Variants in HOXA13 observed in about 807,000 individuals in gnomAD.
HOXA13 encodes homeobox protein Hox-A13.
Under a neutral mutation model 25.7 loss-of-function variants are expected in HOXA13, and 5 were observed. The ratio of observed to expected loss-of-function variants is 0.19; its 90% CI spans 0.10 to 0.41. HOXA13 has a LOEUF of 0.41. Ranked by LOEUF, HOXA13 falls within the 10% of genes least tolerant of loss-of-function variation. The pLI is 1.00. For synonymous variants in HOXA13, 284 were observed against 241.1 expected, an observed-to-expected ratio of 1.18 and a Z score of -1.65; for missense variants, 557 against 533.5, an observed-to-expected ratio of 1.04 and a Z score of -0.43.
At position 27,199,380 on chromosome 7, in the gene HOXA13, T is replaced by C; in HGVS notation, c.698A>G (p.Gln233Arg). ...GTGGTAAGGCCCGGCTGCGTAGCCC[T>C]GGTGGTAGAAGGCGAACTCCTTAGC... ...SRAKEFAFYH[Q>R]GYAAGPYHHH... Residue 233 changes from glutamine (Q) to arginine (R), a missense_variant, in exon 1 of 2, where the codon CAG (glutamine) becomes CGG (arginine). Transcript: ENST00000649031. 1 of 1,614,028 alleles carries C rather than the reference T, an allele frequency of 6.2e-7. No individual in the cohort carries two copies. Among genetic ancestry groups the C allele is most frequent in the South Asian group, 1.1e-5 (1 of 91,086 alleles).
chr7:27,199,996 C>A lies in HOXA13; in HGVS notation c.82G>T (p.Ala28Ser). The A allele has an allele frequency of 2.0e-6, 3 of 1,481,322 alleles. No individual in the cohort carries two copies. The highest frequency in any genetic ancestry group is 1.2e-5 in the South Asian group (1 of 81,776). 91.8% of individuals were successfully genotyped at this position (1,481,322 alleles called of 1,614,324 possible). A position where few individuals can be genotyped will look rare whatever the true frequency, so the allele number is the denominator to read the frequency against. ...TCCATGTTCTTGTTGAGCTCGTCGG[C>A]CACCAGGCCGCCGCCGTTGTCGTAG... ...FLYDNGGGLV[A>S]DELNKNMEGA... The change falls in exon 1 of 2, where the codon GCC becomes TCC. Residue 28 changes from alanine (A) to serine (S), a missense_variant. Transcript: ENST00000649031.
rs983768824 is a variant in HOXA13 at position 27,196,762 on chromosome 7, G to T, written c.*1436C>A. The T allele has an allele frequency of 2.1e-4, 34 of 163,004 alleles. No individual in the cohort carries two copies. Among genetic ancestry groups the T allele is most frequent in the African/African-American group, 7.9e-4 (33 of 41,846 alleles). The allele number at this position is 163,004 out of a possible 1,614,324, so 10.1% of individuals were successfully genotyped here. ...TCTTAAAAATTTGGTAGCAAAAGAA[G>T]TACTGAATAATAATAAAGAATGGTC... On this transcript the variant is annotated 3_prime_UTR_variant, in exon 2 of 2. Coordinates refer to ENST00000649031, the MANE Select transcript of HOXA13 (RefSeq NM_000522.5).
At position 27,196,164 on chromosome 7, in the gene HOXA13, A is replaced by T. The variant is rs988572429; in HGVS notation, c.*2034T>A. 2.0e-5 allele frequency: 3 copies of T among 152,242 alleles called. No individual in the cohort carries two copies. The highest frequency in any genetic ancestry group is 7.2e-5 in the African/African-American group (3 of 41,464). The allele number at this position is 152,242 out of a possible 1,614,324, so 9.4% of individuals were successfully genotyped here. A position where few individuals can be genotyped will look rare whatever the true frequency, so the allele number is the denominator to read the frequency against. ...ATCTGTACAGATTCTACAAATATATATACAAGCACACACAAGCACTAATAT... is the reference window on the plus strand; with the variant it reads ...ATCTGTACAGATTCTACAAATATATTTACAAGCACACACAAGCACTAATAT... On this transcript the variant is annotated 3_prime_UTR_variant, in exon 2 of 2. Coordinates refer to ENST00000649031, the MANE Select transcript of HOXA13 (RefSeq NM_000522.5).
chr7:27,199,268 A>G lies in HOXA13; in HGVS notation c.810T>C (p.Gly270=), dbSNP rs1159434464. 7 of 1,613,984 alleles carry G rather than the reference A, an allele frequency of 4.3e-6. No individual in the cohort carries two copies. The highest frequency in any genetic ancestry group is 1.6e-4 in the Middle Eastern group (1 of 6,062). The change falls in exon 1 of 2, where the codon GGT becomes GGC. Residue 270 remains glycine, a synonymous_variant. Coordinates refer to ENST00000649031, the MANE Select transcript of HOXA13 (RefSeq NM_000522.5). Reference sequence around the variant, plus strand: ...AGGGCTGGTAGCTTTCCATGGGAAGACCCAAGGGTTCGTGGCGCGACTCGC... The same window carrying G: ...AGGGCTGGTAGCTTTCCATGGGAAGGCCCAAGGGTTCGTGGCGCGACTCGC... ...GPGESRHEPL[G]LPMESYQPWA...
At position 27,194,572 on chromosome 7, in the gene HOXA13, G is replaced by T. The variant is rs1021931081; in HGVS notation, c.*3626C>A. ...AGGTTTTAGACTGATTGCTATTTGG[G>T]CATTAAAGGAGCCATAATAAATAAT... On this transcript the variant is annotated 3_prime_UTR_variant, in exon 2 of 2. Transcript: ENST00000649031. 1 of 152,018 alleles carries T rather than the reference G, an allele frequency of 6.6e-6. No homozygotes were observed. The highest frequency in any genetic ancestry group is 1.5e-5 in the Non-Finnish European group (1 of 68,016). The allele number at this position is 152,018 out of a possible 1,614,324, so 9.4% of individuals were successfully genotyped here.
At chr7:27,198,814 T>G (rs1307063485) in intron 1 of HOXA13, 1 of 483,944 alleles carries the variant, frequency 2.1e-6, no homozygotes, top group Non-Finnish European at 3.7e-6. Context: ...CTGAAGCCAT[T>G]TTTGAGAGAA....
In HOXA13 at chr7:27,199,705, C is replaced by T. The variant is rs1784067148; in HGVS notation, c.373G>A (p.Ala125Thr). The T allele has an allele frequency of 4.9e-6, 5 of 1,025,982 alleles. No homozygotes were observed. The highest frequency in any genetic ancestry group is 5.8e-5 in the Admixed American group (1 of 17,352). 63.6% of individuals were successfully genotyped at this position (1,025,982 alleles called of 1,614,324 possible). The change falls in exon 1 of 2, where the codon GCT (alanine) becomes ACT (threonine). Residue 125 changes from alanine to threonine, a missense_variant. Ala to Thr is a moderately conservative substitution (Grantham distance 58). Transcript: ENST00000649031. ...SAAAAAAAAA[A>T]AAAAAAAASS... Reference sequence around the variant, plus strand: ...GCGGCGGCGGCGGCGGCGGCTGCAGCGGCAGCCGCGGCAGCAGCGGCGGCA... The same window carrying T: ...GCGGCGGCGGCGGCGGCGGCTGCAGTGGCAGCCGCGGCAGCAGCGGCGGCA...
chr7:27,198,599 G>C, intron 1 of HOXA13, 157 bp from the exon 2 acceptor site: 1 of 834,864 alleles, frequency 1.2e-6, no homozygotes, highest in Non-Finnish European at 1.9e-6. Flanking sequence ...GGGTCAGTGG[G>C]GAAGGTAGTT....
At chr7:27,199,077 CCGGGATCGCCCGGGTG>C in intron 1 of HOXA13, 63 bp downstream of exon 1, 2 of 1,430,028 alleles carry the variant, frequency 1.4e-6, no homozygotes, top group Non-Finnish European at 1.9e-6. Context: ...AGAAACGCAC[CCGGGATCGCCCGGGTG>C]CGAGCGGAGA....
At position 27,195,389 on chromosome 7, in the gene HOXA13, C is replaced by G. The variant is rs559981762; in HGVS notation, c.*2809G>C. ...TAAAATTAGCCTGCATCTCACAATT[C>G]TGCATCCCACGGCTACTGATTCCAC... On this transcript the variant is annotated 3_prime_UTR_variant, in exon 2 of 2. Coordinates refer to ENST00000649031, the MANE Select transcript of HOXA13 (RefSeq NM_000522.5). The G allele has an allele frequency of 5.9e-5, 9 of 152,310 alleles. No homozygotes were observed. The highest frequency in any genetic ancestry group is 2.2e-4 in the African/African-American group (9 of 41,552). The allele number at this position is 152,310 out of a possible 1,614,324, so 9.4% of individuals were successfully genotyped here.
rs1334019787 is a variant in HOXA13 at position 27,199,499 on chromosome 7, C to A, written c.579G>T (p.Ser193=). 3 of 1,606,754 alleles carry A rather than the reference C, an allele frequency of 1.9e-6. No homozygotes were observed. Among genetic ancestry groups the A allele is most frequent in the Non-Finnish European group, 2.5e-6 (3 of 1,177,486 alleles). Residue 193 remains serine (S), a synonymous_variant, in exon 1 of 2, where the codon TCG becomes TCT. Transcript: ENST00000649031. ...RMGPHPNAIK[S]CAQPASAAAA... The stretch of plus-strand genomic sequence containing the variant: ...CGGCGGCCGAGGCGGGCTGCGCGCA[C>A]GACTTGATGGCGTTGGGGTGCGGGC...
In HOXA13 at chr7:27,195,513, C is replaced by T. The variant is rs931919091; in HGVS notation, c.*2685G>A. 6.6e-6 allele frequency: 1 copy of T among 152,172 alleles called. No individual in the cohort carries two copies. The highest frequency in any genetic ancestry group is 2.4e-5 in the African/African-American group (1 of 41,434). The allele number at this position is 152,172 out of a possible 1,614,324, so 9.4% of individuals were successfully genotyped here. A position where few individuals can be genotyped will look rare whatever the true frequency, so the allele number is the denominator to read the frequency against. ...AAACATACATATGTATTCTTTATGA[C>T]TCTGAATACAGCACCTGATTGTTGT... On this transcript the variant is annotated 3_prime_UTR_variant, in exon 2 of 2. Coordinates refer to ENST00000649031, the MANE Select transcript of HOXA13 (RefSeq NM_000522.5).
In HOXA13 at chr7:27,197,944, C is replaced by A. The variant is rs1038203457; in HGVS notation, c.*254G>T. On this transcript the variant is annotated 3_prime_UTR_variant, in exon 2 of 2. Coordinates refer to ENST00000649031, the MANE Select transcript of HOXA13 (RefSeq NM_000522.5). ...TGAAATTGCGTATTTTGGGGGTTGA[C>A]GTTTGACATTTAACGGGCTGGGCTG... 9.3e-6 allele frequency: 5 copies of A among 535,106 alleles called. No individual in the cohort carries two copies. The highest frequency in any genetic ancestry group is 1.7e-5 in the Non-Finnish European group (5 of 300,258). The allele number at this position is 535,106 out of a possible 1,614,324, so 33.1% of individuals were successfully genotyped here.
At chr7:27,198,501 C>CGACA in intron 1 of HOXA13, 59 bp from the exon 2 acceptor site, 1 of 1,606,522 alleles carries the variant, frequency 6.2e-7, no homozygotes. Flanking sequence ...AGGGCATAGG[C>CGACA]GACAGCTCGA....
chr7:27,199,464 G>A lies in HOXA13; in HGVS notation c.614C>T (p.Ala205Val), dbSNP rs767390538. The change falls in exon 1 of 2, where the codon GCC becomes GTC. Residue 205 changes from alanine (A) to valine (V), a missense_variant. By Grantham distance (64) the Ala-to-Val change is moderately conservative. Coordinates refer to ENST00000649031, the MANE Select transcript of HOXA13 (RefSeq NM_000522.5). ...GGTATCCATGTACTTGTCCGCGAAGGCGGCGGCGGCGGCGGCCGAGGCGGG... is the reference window on the plus strand; with the variant it reads ...GGTATCCATGTACTTGTCCGCGAAGACGGCGGCGGCGGCGGCCGAGGCGGG... ...AQPASAAAAA[A>V]FADKYMDTAG... 2.5e-5 allele frequency: 40 copies of A among 1,610,216 alleles called. No homozygotes were observed. The highest frequency in any genetic ancestry group is 3.3e-5 in the Non-Finnish European group (39 of 1,178,530).
In HOXA13 at chr7:27,195,353, T is replaced by C. The variant is rs983007280; in HGVS notation, c.*2845A>G. Reference sequence around the variant, plus strand: ...TCTTCCATTCACTATTACTTTCCTCTAACGTAAAGATAAAATTAGCCTGCA... The same window carrying C: ...TCTTCCATTCACTATTACTTTCCTCCAACGTAAAGATAAAATTAGCCTGCA... On this transcript the variant is annotated 3_prime_UTR_variant, in exon 2 of 2. Transcript: ENST00000649031. The C allele has an allele frequency of 6.6e-6, 1 of 152,194 alleles. No individual in the cohort carries two copies. Among genetic ancestry groups the C allele is most frequent in the African/African-American group, 2.4e-5 (1 of 41,440 alleles). 9.4% of individuals were successfully genotyped at this position (152,194 alleles called of 1,614,324 possible).
chr7:27,198,674 G>A (rs1784039207), intron 1 of HOXA13: 2 of 594,368 alleles, frequency 3.4e-6, no homozygotes, highest in East Asian at 2.9e-5. Context: ...CATCCTGCAG[G>A]AGCAGCGCGT....
chr7:27,198,976 C>T (rs951261556), intron 1 of HOXA13, among the ~76,000 whole-genome samples, 180 bp downstream of exon 1: 2 of 152,134 alleles, frequency 1.3e-5, no homozygotes, highest in Non-Finnish European at 2.9e-5. Flanking sequence ...AGCCAGGGAC[C>T]AGCTCAACTC....
In HOXA13 at chr7:27,195,410, T is replaced by G. The variant is rs1783993575; in HGVS notation, c.*2788A>C. 1 of 152,218 alleles carries G rather than the reference T, an allele frequency of 6.6e-6. No homozygotes were observed. The highest frequency in any genetic ancestry group is 2.1e-4 in the South Asian group (1 of 4,832). The allele number at this position is 152,218 out of a possible 1,614,324, so 9.4% of individuals were successfully genotyped here. A position where few individuals can be genotyped will look rare whatever the true frequency, so the allele number is the denominator to read the frequency against. On this transcript the variant is annotated 3_prime_UTR_variant, in exon 2 of 2. Coordinates refer to ENST00000649031, the MANE Select transcript of HOXA13 (RefSeq NM_000522.5). ...AATTCTGCATCCCACGGCTACTGAT[T>G]CCACCAACATTTTAATACATATGCG...
Sources: allele counts gnomAD v4.1 joint callset (sites outside exome capture counted in the v4.1 genomes callset), GRCh38; gene constraint gnomAD v4.1.1; transcripts MANE v1.5; gene names NCBI Gene and HGNC (gene_info 2026-07-23, HGNC 2026-07-21).